Variants in PDE1A observed in about 807,000 individuals in gnomAD.
PDE1A encodes the protein phosphodiesterase 1A.
Under a neutral mutation model 61.7 loss-of-function variants are expected in PDE1A, and 35 were observed. The ratio of observed to expected loss-of-function variants is 0.57; its 90% CI spans 0.43 to 0.75. The LOEUF is 0.75. Ranked by LOEUF, PDE1A falls within the 30% of genes least tolerant of loss-of-function variation. The pLI, the probability that PDE1A is intolerant of heterozygous loss-of-function variation, is 0.00. For synonymous variants in PDE1A, 232 were observed against 213.2 expected (o/e 1.09, Z -0.77); for missense variants, 597 against 630.6 (o/e 0.95, Z 0.57).
exon 15 of PDE1A, chr2:182,142,007 G>A (rs1323880861): frequency 6.6e-6 from 1 of 152,118 alleles, no homozygotes; most frequent in Non-Finnish European, 1.5e-5. Context: ...AACATGACAA[G>A]GAAGCAGGGC....
chr2:182,296,312 T>C (rs1363684744), intron 1 of PDE1A, among the ~76,000 whole-genome samples: 3 of 152,268 alleles, frequency 2.0e-5, no homozygotes, highest in East Asian at 1.9e-4. Context: ...CCCACTGTCA[T>C]ACATATAGGA....
At chr2:182,381,789 G>A (rs1388472410) in intron 1 of PDE1A, among the ~76,000 whole-genome samples, 1 of 151,874 alleles carries the variant, frequency 6.6e-6, no homozygotes, top group East Asian at 1.9e-4. Flanking sequence ...TCCAGCCTGG[G>A]TGACAGAGCG....
chr2:182,464,799 A>T (rs761503276), intron 2 of PDE1A, among the ~76,000 whole-genome samples: 4 of 152,044 alleles, frequency 2.6e-5, no homozygotes, highest in Admixed American at 6.6e-5. Context: ...AAACCAACCT[A>T]ATAGGAATCT....
At chr2:182,151,037 C>A (rs927873849) in intron 13 of PDE1A, among the ~76,000 whole-genome samples, 6 of 152,292 alleles carry the variant, frequency 3.9e-5, no homozygotes, top group Non-Finnish European at 8.8e-5. Flanking sequence ...GTGGCAGACA[C>A]TATTCTAAGT....
At chr2:182,288,604 C>T (rs1694319562) in intron 1 of PDE1A, among the ~76,000 whole-genome samples, 1 of 152,038 alleles carries the variant, frequency 6.6e-6, no homozygotes, top group Admixed American at 6.6e-5. Flanking sequence ...ACATTAGTTT[C>T]TGCCTGTGGA....
chr2:182,453,487 T>A (rs767813745), intron 2 of PDE1A, among the ~76,000 whole-genome samples: 1 of 151,830 alleles, frequency 6.6e-6, no homozygotes, highest in African/African-American at 2.4e-5. Context: ...ATTTGCAATA[T>A]CCTTGATGAA....
rs563839913 is a variant in PDE1A, at chr2:182,420,939, C to G, written c.53+5639G>C. On this transcript the variant is annotated intron_variant, in intron 1 of 13. Transcript: ENST00000351439. Reference sequence around the variant, plus strand: ...AATACATAAATAAACTGAAGCTTTCCCATGAGAACTAACTGTCAAAACTAC... The same window carrying G: ...AATACATAAATAAACTGAAGCTTTCGCATGAGAACTAACTGTCAAAACTAC... Among the ~76,000 whole-genome samples the G allele has an allele frequency of 3.9e-3, 593 of 152,206 alleles. 2 individuals carry two copies. The highest frequency in any genetic ancestry group is 6.3e-3 in the Non-Finnish European group (430 of 67,978).
At chr2:182,294,889 C>T (rs1224214700) in intron 1 of PDE1A, among the ~76,000 whole-genome samples, 1 of 151,794 alleles carries the variant, frequency 6.6e-6, no homozygotes, top group East Asian at 1.9e-4. Context: ...TATAAGGGAA[C>T]AGAGGGAAAC....
the PDE1A span, among the ~76,000 whole-genome samples, chr2:182,589,291 G>GGAAC: frequency 6.8e-6 from 1 of 148,080 alleles, no homozygotes; most frequent in Non-Finnish European, 1.5e-5. Context: ...AAGGAAGGAA[G>GGAAC]GAAGGAAGGA....
chr2:182,585,317 T>A, the PDE1A span, among the ~76,000 whole-genome samples: 1 of 152,240 alleles, frequency 6.6e-6, no homozygotes, highest in Non-Finnish European at 1.5e-5. Context: ...TTATGAAGTG[T>A]ATTTTGGGAG....
At chr2:182,534,790 A>G in the PDE1A span, among the ~76,000 whole-genome samples, 1 of 151,820 alleles carries the variant, frequency 6.6e-6, no homozygotes, top group Non-Finnish European at 1.5e-5. Context: ...CTTTTTATGT[A>G]GTTAAATTTG....
chr2:182,466,082 G>A (rs1686641964), intron 2 of PDE1A, among the ~76,000 whole-genome samples: 1 of 151,640 alleles, frequency 6.6e-6, no homozygotes, highest in Admixed American at 6.6e-5. Flanking sequence ...TTATTCCTAA[G>A]GTCTTGAATG....
intron 1 of PDE1A, among the ~76,000 whole-genome samples, chr2:182,328,956 G>A (rs1276077464): frequency 1.3e-5 from 2 of 152,118 alleles, no homozygotes; most frequent in Non-Finnish European, 2.9e-5. Flanking sequence ...CTACAAAATT[G>A]TAAGCAACTT....
chr2:182,673,512 T>A, the PDE1A span, among the ~76,000 whole-genome samples: 1 of 152,030 alleles, frequency 6.6e-6, no homozygotes, highest in Admixed American at 6.6e-5. Flanking sequence ...CAATAAAAAA[T>A]CATGAGAGAA....
At chr2:182,334,652 A>G (rs1169357384) in intron 1 of PDE1A, among the ~76,000 whole-genome samples, 1 of 152,204 alleles carries the variant, frequency 6.6e-6, no homozygotes, top group Non-Finnish European at 1.5e-5. Flanking sequence ...ATTTATGACA[A>G]ACCTACAGCC....
At chr2:182,195,634 A>G (rs1470260741) in intron 10 of PDE1A, among the ~76,000 whole-genome samples, 1 of 152,136 alleles carries the variant, frequency 6.6e-6, no homozygotes, top group Admixed American at 6.6e-5. Flanking sequence ...TAGCACAGCC[A>G]GTGGAATTTA....
At chr2:182,357,521 T>G (rs1043247009) in intron 1 of PDE1A, among the ~76,000 whole-genome samples, 1 of 152,232 alleles carries the variant, frequency 6.6e-6, no homozygotes, top group Non-Finnish European at 1.5e-5. Context: ...ATTCCAAGAC[T>G]GAGCTGTACT....
At chr2:182,165,642 C>T (rs907445311), downstream of PDE1A, among the ~76,000 whole-genome samples, 3 of 152,122 alleles carry the variant, frequency 2.0e-5, no homozygotes, top group Non-Finnish European at 4.4e-5. Context: ...TTTGGGTCAC[C>T]TTGCCAGGCA....
chr2:182,576,329 A>G, the PDE1A span, among the ~76,000 whole-genome samples: 1 of 152,124 alleles, frequency 6.6e-6, no homozygotes, highest in South Asian at 2.1e-4. Flanking sequence ...TTGTCTTTTT[A>G]TGACTGCTTG....
Sources: gnomAD v4.1 joint callset for allele counts (sites outside exome capture counted in the v4.1 genomes callset) on GRCh38, gnomAD v4.1.1 for gene constraint, MANE v1.5 for transcripts, NCBI Gene and HGNC (gene_info 2026-07-23, HGNC 2026-07-21) for gene names.